Variants in ATP10B observed in about 807,000 individuals in gnomAD.
The protein encoded by ATP10B is ATPase phospholipid transporting 10B (putative), also known as phospholipid-transporting ATPase VB.
ATP10B carries 122 observed loss-of-function variants against 141.2 expected under a neutral mutation model. The ratio of observed to expected loss-of-function variants is 0.86; its 90% CI spans 0.75 to 1.00. The LOEUF (loss-of-function observed/expected upper bound fraction) is 1.00, where lower values mean the gene tolerates loss of function less well. Ranked by LOEUF, ATP10B falls within the 50% of genes least tolerant of loss-of-function variation. The pLI, the probability that ATP10B is intolerant of heterozygous loss-of-function variation, is 0.00. For synonymous variants in ATP10B, 685 were observed against 692.0 expected (o/e 0.99, Z 0.16); for missense variants, 1,876 against 1,825.3 (o/e 1.03, Z -0.51).
the ATP10B span, among the ~76,000 whole-genome samples, chr5:160,890,696 T>A: frequency 6.6e-6 from 1 of 152,172 alleles, no homozygotes; most frequent in South Asian, 2.1e-4. Context: ...GATGGCCATT[T>A]GAGTTGTTTT....
rs756621524 is a variant in ATP10B at position 160,670,620 on chromosome 5, C to T, written c.518G>A (p.Gly173Glu). The part of the protein sequence containing the change: ...VQKCWKDVRV[G>E]DFIQMKCNEI... ...ATTGCATTTCATTTGGATGAAGTCTCCCACGCGCACATCCTTCCAGCACTT... is the reference window on the plus strand; with the variant it reads ...ATTGCATTTCATTTGGATGAAGTCTTCCACGCGCACATCCTTCCAGCACTT... Residue 173 changes from glycine (G) to glutamate (E), a missense_variant, in exon 7 of 26, where the codon GGA (glycine) becomes GAA (glutamate). Gly to Glu is a moderately conservative substitution (Grantham distance 98, BLOSUM62 -2). Coordinates refer to ENST00000327245, the MANE Select transcript of ATP10B (RefSeq NM_025153.3). The T allele has an allele frequency of 1.9e-6, 3 of 1,613,676 alleles. No homozygotes were observed. The highest frequency in any genetic ancestry group is 1.3e-5 in the African/African-American group (1 of 74,852).
chr5:160,733,076 T>C (rs1766852377), intron 2 of ATP10B, among the ~76,000 whole-genome samples: 1 of 152,224 alleles, frequency 6.6e-6, no homozygotes, highest in Admixed American at 6.5e-5. Context: ...ATTACTTCTT[T>C]TGATCCATGA....
At chr5:160,749,958 A>T (rs1768047194) in intron 2 of ATP10B, among the ~76,000 whole-genome samples, 1 of 152,176 alleles carries the variant, frequency 6.6e-6, no homozygotes, top group African/African-American at 2.4e-5. Context: ...ACAACAGCTA[A>T]GTTCCTGGTG....
In ATP10B at chr5:160,589,685, G is replaced by C. The variant is rs1192748427; in HGVS notation, c.3657C>G (p.Gly1219=). The C allele has an allele frequency of 1.2e-6, 2 of 1,612,834 alleles. No homozygotes were observed. The part of the protein sequence containing the change: ...CFFIPYLAYK[G]SDIDVFTFGT... ...CAAAGGTAAAGACATCTATATCAGA[G>C]CCCTTATAGGCCTGCAGAGGAGGAA... Residue 1219 remains glycine, a synonymous_variant, in exon 24 of 26, where the codon GGC becomes GGG. Coordinates refer to ENST00000327245, the MANE Select transcript of ATP10B (RefSeq NM_025153.3).
intron 1 of ATP10B, among the ~76,000 whole-genome samples, chr5:160,830,002 T>G (rs997433299): frequency 6.6e-6 from 1 of 152,102 alleles, no homozygotes; most frequent in South Asian, 2.1e-4. Flanking sequence ...ATAGGAGTGG[T>G]GGGAGTGGGC....
upstream of ATP10B, among the ~76,000 whole-genome samples, chr5:160,853,830 CTTTT>C (rs1264882922): frequency 2.0e-5 from 3 of 152,096 alleles, no homozygotes; most frequent in African/African-American, 4.8e-5. Context: ...GACTATCTTT[CTTTT>C]GTTTGGCTGC....
chr5:160,709,630 C>T (rs1341127939), intron 3 of ATP10B, among the ~76,000 whole-genome samples: 2 of 131,402 alleles, frequency 1.5e-5, no homozygotes, highest in African/African-American at 2.8e-5. Flanking sequence ...TTATTATACT[C>T]TAAGTTTTAG....
At chr5:160,860,536 G>T in the ATP10B span, among the ~76,000 whole-genome samples, 2 of 151,812 alleles carry the variant, frequency 1.3e-5, no homozygotes, top group African/African-American at 2.4e-5. Flanking sequence ...ATTTCTGAAA[G>T]AATTTTAGAA....
In ATP10B at chr5:160,687,949, C is replaced by A. The variant is rs1166987657; in HGVS notation, c.126G>T (p.Leu42Phe). 1 of 1,614,096 alleles carries A rather than the reference C, an allele frequency of 6.2e-7. No homozygotes were observed. Among genetic ancestry groups the A allele is most frequent in the Non-Finnish European group, 8.5e-7 (1 of 1,180,018 alleles). Residue 42 changes from leucine (L) to phenylalanine (F), a missense_variant, in exon 5 of 26, where the codon TTG becomes TTT. Coordinates refer to ENST00000327245, the MANE Select transcript of ATP10B (RefSeq NM_025153.3). ...TGGGGAACACGACCCGCTGCTGTGT[C>A]AAGTTGTAGCTCTGTCTCCCTTTCT... is the stretch of plus-strand genomic sequence containing the variant. ...SPEKGRQSYN[L>F]TQQRVVFPNN...
At chr5:160,621,118 C>A (rs1441065875) in intron 14 of ATP10B, among the ~76,000 whole-genome samples, 168 bp from the exon 15 acceptor site, 1 of 152,214 alleles carries the variant, frequency 6.6e-6, no homozygotes, top group Non-Finnish European at 1.5e-5. Context: ...ATCTTTTGAT[C>A]ATCCCACTGT....
intron 2 of ATP10B, among the ~76,000 whole-genome samples, chr5:160,746,446 T>G (rs1378379445): frequency 6.6e-6 from 1 of 151,622 alleles, no homozygotes; most frequent in Non-Finnish European, 1.5e-5. Flanking sequence ...GGCTGGAGTA[T>G]AGTGGTGTGA....
the ATP10B span, among the ~76,000 whole-genome samples, chr5:160,905,636 T>TA: frequency 2.0e-5 from 3 of 152,082 alleles, no homozygotes; most frequent in African/African-American, 7.2e-5. Context: ...TTGTAATAAG[T>TA]AAAAAAGATC....
chr5:160,697,700 T>C (rs940124308), intron 3 of ATP10B, among the ~76,000 whole-genome samples: 5 of 152,088 alleles, frequency 3.3e-5, no homozygotes, highest in Non-Finnish European at 7.4e-5. Context: ...ATAAAATTAA[T>C]GAAAGGATGC....
intron 1 of ATP10B, among the ~76,000 whole-genome samples, chr5:160,826,636 A>G (rs1774623217): frequency 6.6e-6 from 1 of 152,144 alleles, no homozygotes; most frequent in Non-Finnish European, 1.5e-5. Flanking sequence ...GGGCAAAAAG[A>G]GCCATATTTT....
At chr5:160,898,283 GAAAC>G in the ATP10B span, among the ~76,000 whole-genome samples, 123 of 151,812 alleles carry the variant, frequency 8.1e-4, no homozygotes, top group Middle Eastern at 6.8e-3. Context: ...GAATCTACAA[GAAAC>G]AAACAAATTT....
At chr5:160,899,007 T>G in the ATP10B span, among the ~76,000 whole-genome samples, 14 of 109,848 alleles carry the variant, frequency 1.3e-4, no homozygotes, top group Non-Finnish European at 1.5e-4. Flanking sequence ...GTGGGGGTGG[T>G]AGGGGAGGGA....
At chr5:160,661,746 G>GA in intron 7 of ATP10B, among the ~76,000 whole-genome samples, 1 of 152,328 alleles carries the variant, frequency 6.6e-6, no homozygotes. Flanking sequence ...ACAAGACAGG[G>GA]ATGCCCTCTC....
chr5:160,679,394 A>G (rs562111235), intron 6 of ATP10B, among the ~76,000 whole-genome samples: 3 of 152,400 alleles, frequency 2.0e-5, no homozygotes, highest in Non-Finnish European at 2.9e-5. Flanking sequence ...TAATACCAGC[A>G]TAAGCCACAC....
intron 14 of ATP10B, among the ~76,000 whole-genome samples, chr5:160,621,959 G>A (rs1289057507): frequency 1.3e-5 from 2 of 152,146 alleles, no homozygotes; most frequent in Non-Finnish European, 2.9e-5. Context: ...TGCCATTTAT[G>A]AGCCATATGT....
Sources: allele counts gnomAD v4.1 joint callset (sites outside exome capture counted in the v4.1 genomes callset), GRCh38; gene constraint gnomAD v4.1.1; transcripts MANE v1.5; gene names NCBI Gene and HGNC (gene_info 2026-07-23, HGNC 2026-07-21).